The following TRMT9B variants were observed in gnomAD, a reference collection of about 807,000 sequenced individuals.
TRMT9B encodes tRNA methyltransferase 9B (putative), also known as probable tRNA methyltransferase 9B.
Under a neutral mutation model 11.5 loss-of-function variants are expected in TRMT9B, and 16 were observed. The observed-to-expected ratio is 1.39, with a 90% CI of 0.94 to 2.11. TRMT9B has a LOEUF of 2.11. Among genes scored for constraint, TRMT9B ranks in the 30% most tolerant of loss-of-function variants. The pLI is 0.00. For synonymous variants in TRMT9B, 274 were observed against 192.4 expected (o/e 1.42, Z -3.51); for missense variants, 941 against 553.8 (o/e 1.70, Z -7.02).
At chr8:12,998,131 C>G (rs1465988772) in intron 2 of TRMT9B, among the ~76,000 whole-genome samples, 1 of 152,162 alleles carries the variant, frequency 6.6e-6, no homozygotes, top group African/African-American at 2.4e-5. Flanking sequence ...TGTTTATATT[C>G]TGGATACTAC....
chr8:12,966,482 C>T (rs1022178829), intron 1 of TRMT9B, among the ~76,000 whole-genome samples: 5 of 152,130 alleles, frequency 3.3e-5, no homozygotes, highest in Admixed American at 6.5e-5. Context: ...TCATAATTAG[C>T]TCCTATGTTA....
At chr8:12,960,664 G>A (rs907225624) in intron 1 of TRMT9B, among the ~76,000 whole-genome samples, 2 of 152,164 alleles carry the variant, frequency 1.3e-5, no homozygotes, top group South Asian at 2.1e-4. Flanking sequence ...AAAAAGACAC[G>A]GTGGAACCCT....
chr8:12,949,835 C>T (rs1422017280), intron 1 of TRMT9B, among the ~76,000 whole-genome samples: 1 of 152,076 alleles, frequency 6.6e-6, no homozygotes, highest in Non-Finnish European at 1.5e-5. Context: ...TTTCTCACTT[C>T]CACTCCCTAG....
At chr8:13,015,716 G>T (rs181119890) in intron 4 of TRMT9B, among the ~76,000 whole-genome samples, 1 of 152,144 alleles carries the variant, frequency 6.6e-6, no homozygotes, top group African/African-American at 2.4e-5. Context: ...CACTGGTGAA[G>T]GAAGGGGATA....
At position 13,029,243 on chromosome 8, in the gene TRMT9B, G is replaced by A. The variant is rs1462733449; in HGVS notation, c.*7199G>A. 1 of 166,910 alleles carries A rather than the reference G, an allele frequency of 6.0e-6. No homozygotes were observed. Among genetic ancestry groups the A allele is most frequent in the African/African-American group, 2.4e-5 (1 of 41,402 alleles). The allele number at this position is 166,910 out of a possible 1,614,324, so 10.3% of individuals were successfully genotyped here. On this transcript the variant is annotated 3_prime_UTR_variant, in exon 5 of 5. Coordinates refer to ENST00000524591, the MANE Select transcript of TRMT9B (RefSeq NM_020844.3). ...TAGAACAATTATTAGATGTTATAGT[G>A]CCTCTTCTCGTGTTGATACGTGTAT...
At chr8:13,009,938 AAAACATGGTG>A (rs1811279029) in intron 3 of TRMT9B, among the ~76,000 whole-genome samples, 1 of 151,972 alleles carries the variant, frequency 6.6e-6, no homozygotes, top group Admixed American at 6.6e-5. Flanking sequence ...ACCAGCCTGG[AAAACATGGTG>A]AAACCCCATC....
chr8:13,000,418 A>G (rs1360025923), intron 2 of TRMT9B, among the ~76,000 whole-genome samples: 2 of 152,102 alleles, frequency 1.3e-5, no homozygotes, highest in African/African-American at 4.8e-5. Flanking sequence ...CTCTCCTGTT[A>G]GTTTTCTGTC....
chr8:12,980,146 C>T (rs368805839), intron 1 of TRMT9B, among the ~76,000 whole-genome samples: 29 of 152,278 alleles, frequency 1.9e-4, no homozygotes, highest in African/African-American at 7.0e-4. Context: ...TCTCTTGCAG[C>T]TCAGGAGGCC....
chr8:12,984,639 T>G (rs116741192), intron 1 of TRMT9B, among the ~76,000 whole-genome samples: 4 of 152,230 alleles, frequency 2.6e-5, no homozygotes, highest in South Asian at 2.1e-4. Flanking sequence ...CGGTACTATT[T>G]TGGGGGACCT....
chr8:12,948,304 T>G (rs1800364900), intron 1 of TRMT9B, among the ~76,000 whole-genome samples: 1 of 151,718 alleles, frequency 6.6e-6, no homozygotes, highest in South Asian at 2.1e-4. Flanking sequence ...ACAATGGTTG[T>G]ATGAGTACTA....
At chr8:13,010,406 G>A in intron 3 of TRMT9B, 3 of 983,620 alleles carry the variant, frequency 3.0e-6, no homozygotes, top group Middle Eastern at 5.2e-4. Context: ...TAATATGACT[G>A]TCCTCTAAAG....
chr8:13,017,796 A>AT (rs1813016230), intron 4 of TRMT9B, among the ~76,000 whole-genome samples: 1 of 150,526 alleles, frequency 6.6e-6, no homozygotes, highest in South Asian at 2.1e-4. Flanking sequence ...TTTATTTTTT[A>AT]TTTTTTTGGT....
chr8:12,997,792 A>G (rs1808632467), intron 2 of TRMT9B, among the ~76,000 whole-genome samples: 1 of 152,182 alleles, frequency 6.6e-6, no homozygotes, highest in Non-Finnish European at 1.5e-5. Context: ...GCCATAGGCT[A>G]TGCATATGTG....
At chr8:12,967,305 C>A (rs1221021158) in intron 1 of TRMT9B, among the ~76,000 whole-genome samples, 1 of 152,196 alleles carries the variant, frequency 6.6e-6, no homozygotes, top group Non-Finnish European at 1.5e-5. Flanking sequence ...AAATGTATTT[C>A]ATAGGACTAG....
chr8:12,966,890 C>G (rs1436035276), intron 1 of TRMT9B, among the ~76,000 whole-genome samples: 1 of 152,174 alleles, frequency 6.6e-6, no homozygotes, highest in Non-Finnish European at 1.5e-5. Flanking sequence ...GGCTTTACCA[C>G]ATTCTTACTA....
In TRMT9B at chr8:13,029,668, A is replaced by G. The variant is rs924519190; in HGVS notation, c.*7624A>G. On this transcript the variant is annotated 3_prime_UTR_variant, in exon 5 of 5. Coordinates refer to ENST00000524591, the MANE Select transcript of TRMT9B (RefSeq NM_020844.3). ...AATTCTGTTATATTTATCTAAGGGA[A>G]GCAAAATTAACCTTTTAATAATAGA... is the stretch of plus-strand genomic sequence containing the variant. 10 of 156,340 alleles carry G rather than the reference A, an allele frequency of 6.4e-5. No homozygotes were observed. Among genetic ancestry groups the G allele is most frequent in the East Asian group, 1.9e-4 (1 of 5,198 alleles). 9.7% of individuals were successfully genotyped at this position (156,340 alleles called of 1,614,324 possible). A position where few individuals can be genotyped will look rare whatever the true frequency, so the allele number is the denominator to read the frequency against.
At chr8:12,951,308 T>A (rs1197510775) in intron 1 of TRMT9B, 1 of 152,374 alleles carries the variant, frequency 6.6e-6, no homozygotes, top group Non-Finnish European at 1.5e-5. Context: ...AGGGGGCATT[T>A]CCGCTGAAGT....
rs117403159 is a variant in TRMT9B, at chr8:13,001,332, C to T, written c.-1-4870C>T. ...TGGGTCCACTCAGTGAGGCGGGGAT[C>T]CCTGGAAAGAGGAGGCACAAGGCTC... On this transcript the variant is annotated intron_variant, in intron 2 of 4. Transcript: ENST00000524591. Among the ~76,000 whole-genome samples the T allele has an allele frequency of 2.0e-5, 3 of 152,230 alleles. No individual in the cohort carries two copies. The East Asian group carries it at 5.8e-4, about 29-fold the overall frequency.
chr8:12,952,034 C>T, intron 1 of TRMT9B: 1 of 178,764 alleles, frequency 5.6e-6, no homozygotes, highest in African/African-American at 2.4e-5. Flanking sequence ...ATTTTTTCCT[C>T]TTCCTTTCAT....
Sources: allele counts gnomAD v4.1 joint callset (sites outside exome capture counted in the v4.1 genomes callset), GRCh38; gene constraint gnomAD v4.1.1; transcripts MANE v1.5; gene names NCBI Gene and HGNC (gene_info 2026-07-23, HGNC 2026-07-21).